Variants in CXXC5 observed in about 807,000 individuals in gnomAD.
CXXC5 encodes the protein CXXC finger protein 5.
In CXXC5, 2 loss-of-function variants were observed where a neutral mutation model predicts 17.6. That is an observed-to-expected ratio of 0.11 (90% CI 0.05 to 0.36). The LOEUF (loss-of-function observed/expected upper bound fraction) is 0.36. CXXC5 is among the 10% of genes least tolerant of loss of function. The pLI, the probability that CXXC5 is intolerant of heterozygous loss-of-function variation, is 1.00. For missense variants in CXXC5, 343 were observed against 458.3 expected (o/e 0.75, Z 2.30); for synonymous variants, 171 against 193.0 (o/e 0.89, Z 0.94).
chr5:139,672,556 T>G (rs1756543652), intron 1 of CXXC5, among the ~76,000 whole-genome samples: 3 of 152,208 alleles, frequency 2.0e-5, no homozygotes, highest in Admixed American at 2.0e-4. Flanking sequence ...TCAAATCAGT[T>G]TCCTATCTGC....
chr5:139,653,143 C>T (rs1755302353), intron 1 of CXXC5, among the ~76,000 whole-genome samples: 1 of 152,218 alleles, frequency 6.6e-6, no homozygotes, highest in African/African-American at 2.4e-5. Context: ...CCTTCCCTCC[C>T]CAGCAGTAAC....
At chr5:139,676,016 C>CTT (rs138776755) in intron 1 of CXXC5, among the ~76,000 whole-genome samples, 3 of 151,490 alleles carry the variant, frequency 2.0e-5, no homozygotes, top group African/African-American at 7.3e-5. Context: ...TATGAGTCTC[C>CTT]CTCCTTCCAG....
intron 1 of CXXC5, among the ~76,000 whole-genome samples, chr5:139,671,478 C>A (rs1398966405): frequency 2.6e-5 from 4 of 152,236 alleles, no homozygotes; most frequent in Admixed American, 6.5e-5. Context: ...CCCCACCCCC[C>A]AGGAAACTCA....
Position 139,663,532 on chromosome 5 carries a change from G to C in CXXC5, c.-161+14687G>C, listed in dbSNP as rs1755934101. Among the ~76,000 whole-genome samples the C allele has an allele frequency of 6.6e-6, 1 of 151,854 alleles. No individual in the cohort carries two copies. The highest frequency in any genetic ancestry group is 1.5e-5 in the Non-Finnish European group (1 of 68,018). On this transcript the variant is annotated intron_variant, in intron 1 of 2. Coordinates refer to ENST00000302517, the MANE Select transcript of CXXC5 (RefSeq NM_016463.9). The surrounding 1 kb of genome is among the most constrained non-coding windows in gnomAD (Gnocchi z 4.2). ...TGGCCAGTGGGGTGCTACCCTCGTT[G>C]TAACCTTCAGGCTTCTACCACATGT...
intron 1 of CXXC5, among the ~76,000 whole-genome samples, chr5:139,657,021 G>A (rs1033354412): frequency 1.3e-5 from 2 of 152,216 alleles, no homozygotes; most frequent in African/African-American, 4.8e-5. Context: ...CACCACCCCC[G>A]GCCAACTGCT....
chr5:139,647,940 T>G (rs891883250), upstream of CXXC5: 1 of 151,296 alleles, frequency 6.6e-6, no homozygotes. Context: ...AAATTCTCCC[T>G]CCCGGTCCTC....
At position 139,673,854 on chromosome 5, in the gene CXXC5, AAG is replaced by A. The variant is rs1554084638; in HGVS notation, c.-160-6500_-160-6499del. 2.0e-5 allele frequency among the ~76,000 whole-genome samples: 3 copies of A among 146,882 alleles called. No homozygotes were observed. In the East Asian group the frequency reaches 5.8e-4, roughly 29 times the overall value. ...AGACTCTTGTCAAAAAAAAAAAAAA[AAG>A]AGAGAGAGAAAACAGAGCTCTACAT... is the stretch of plus-strand genomic sequence containing the variant. On this transcript the variant is annotated intron_variant, in intron 1 of 2. Coordinates refer to ENST00000302517, the MANE Select transcript of CXXC5 (RefSeq NM_016463.9).
At chr5:139,662,746 C>T (rs564493143) in intron 1 of CXXC5, among the ~76,000 whole-genome samples, 117 of 152,296 alleles carry the variant, frequency 7.7e-4, no homozygotes, top group Non-Finnish European at 1.4e-3. Flanking sequence ...GCCCGTGCCG[C>T]GGACTCTGGA....
chr5:139,677,888 C>T lies in CXXC5; in HGVS notation c.-160-2476C>T, dbSNP rs181698578. ...CGGCTGTGTTGGAAGGAGCTGACTTCTAATTGACCTGCCCGCCCCGCACGC... is the reference window on the plus strand; with the variant it reads ...CGGCTGTGTTGGAAGGAGCTGACTTTTAATTGACCTGCCCGCCCCGCACGC... On this transcript the variant is annotated intron_variant, in intron 1 of 2. Coordinates refer to ENST00000302517, the MANE Select transcript of CXXC5 (RefSeq NM_016463.9). Among the ~76,000 whole-genome samples the T allele has an allele frequency of 8.5e-5, 13 of 152,362 alleles. 1 individual carries two copies. In the East Asian group the frequency reaches 2.5e-3, roughly 29 times the overall value.
rs1474859467 is a variant in CXXC5 at position 139,661,640 on chromosome 5, C to G, written c.-161+12795C>G. 6.6e-6 allele frequency among the ~76,000 whole-genome samples: 1 copy of G among 152,224 alleles called. No individual in the cohort carries two copies. Among genetic ancestry groups the G allele is most frequent in the Non-Finnish European group, 1.5e-5 (1 of 68,026 alleles). On this transcript the variant is annotated intron_variant, in intron 1 of 2. Coordinates refer to ENST00000302517, the MANE Select transcript of CXXC5 (RefSeq NM_016463.9). The surrounding 1 kb of genome is among the most constrained non-coding windows in gnomAD (Gnocchi z 4.7). ...CCACACACTGGGGCCTGATCATTCT[C>G]AGGCCATAGCTTACCCCTAGATGAT...
chr5:139,681,772 T>G (rs956145601), intron 2 of CXXC5, among the ~76,000 whole-genome samples: 2 of 152,234 alleles, frequency 1.3e-5, no homozygotes, highest in African/African-American at 2.4e-5. Context: ...ATACAGGTCC[T>G]AAGTTTCTGA....
rs957564218 is a variant in CXXC5, at chr5:139,668,713, C to G, written c.-160-11651C>G. Among the ~76,000 whole-genome samples the G allele has an allele frequency of 6.6e-6, 1 of 152,128 alleles. No homozygotes were observed. Among genetic ancestry groups the G allele is most frequent in the Admixed American group, 6.5e-5 (1 of 15,282 alleles). On this transcript the variant is annotated intron_variant, in intron 1 of 2. Transcript: ENST00000302517. This position sits in a 1 kb window ranked among gnomAD's most constrained non-coding sequence, Gnocchi z 4.1. ...CTGGCTTGGAGGCTCTCTTCAGTCTCGGGAGAGATATGCTTATCCCAGGCG... is the reference window on the plus strand; with the variant it reads ...CTGGCTTGGAGGCTCTCTTCAGTCTGGGGAGAGATATGCTTATCCCAGGCG...
intron 1 of CXXC5, among the ~76,000 whole-genome samples, chr5:139,653,848 A>C (rs2126743372): frequency 6.6e-6 from 1 of 152,110 alleles, no homozygotes; most frequent in Admixed American, 6.5e-5. Flanking sequence ...CTCTGGGCTC[A>C]CAGGGCCTAG....
rs573624324 is a variant in CXXC5, at chr5:139,683,095, TAAAAAG to T, written c.*200_*205del. ...TTTTAACATCTCCACGTCCCTAGCATAAAAAGAAAAAGAAAAAAATTTAAACTGCTT... is the reference window on the plus strand; with the variant it reads ...TTTTAACATCTCCACGTCCCTAGCATAAAAAGAAAAAAATTTAAACTGCTT... On this transcript the variant is annotated 3_prime_UTR_variant, in exon 3 of 3. Transcript: ENST00000302517. 91 of 445,888 alleles carry T rather than the reference TAAAAAG, an allele frequency of 2.0e-4. No individual in the cohort carries two copies. The highest frequency in any genetic ancestry group is 1.7e-3 in the African/African-American group (84 of 49,436). The allele number at this position is 445,888 out of a possible 1,614,324, so 27.6% of individuals were successfully genotyped here.
intron 1 of CXXC5, among the ~76,000 whole-genome samples, chr5:139,665,020 C>T (rs1756021228): frequency 6.6e-6 from 1 of 152,268 alleles, no homozygotes; most frequent in African/African-American, 2.4e-5. Flanking sequence ...CTCCTGGTCA[C>T]TGTACCCCAG....
intron 2 of CXXC5, 98 bp from the exon 3 acceptor site, chr5:139,682,765 C>T (rs1757318984): frequency 2.4e-6 from 3 of 1,259,084 alleles, no homozygotes; most frequent in South Asian, 1.7e-5. Flanking sequence ...ATGCCTGTCC[C>T]TCCGCCATGA....
intron 2 of CXXC5, among the ~76,000 whole-genome samples, chr5:139,682,653 G>A (rs1242371829): frequency 6.6e-6 from 1 of 152,198 alleles, no homozygotes; most frequent in Non-Finnish European, 1.5e-5. Flanking sequence ...TGGCTCAGGA[G>A]GCCTCAGAGT....
chr5:139,675,705 CT>C (rs1228646754), intron 1 of CXXC5, among the ~76,000 whole-genome samples: 2 of 152,306 alleles, frequency 1.3e-5, no homozygotes, highest in Non-Finnish European at 2.9e-5. Flanking sequence ...AGGCTGACAG[CT>C]TGAACCTCTC....
intron 1 of CXXC5, among the ~76,000 whole-genome samples, chr5:139,655,769 T>C (rs1755460167): frequency 7.1e-6 from 1 of 140,130 alleles, no homozygotes; most frequent in South Asian, 2.6e-4. Context: ...CCACCAGCTG[T>C]GCCGGCCGGC....
Sources: gnomAD v4.1 joint callset for allele counts (sites outside exome capture counted in the v4.1 genomes callset) on GRCh38, gnomAD v4.1.1 for gene constraint, Gnocchi (gnomAD v3.1) non-coding constraint, MANE v1.5 for transcripts, NCBI Gene and HGNC (gene_info 2026-07-23, HGNC 2026-07-21) for gene names.